Variants in SLC25A31 observed in about 807,000 individuals in gnomAD.
SLC25A31 encodes solute carrier family 25 member 31.
SLC25A31 carries 40 observed loss-of-function variants against 36.2 expected under a neutral mutation model. That is an observed-to-expected ratio of 1.10 (90% CI 0.86 to 1.44). SLC25A31 has a LOEUF of 1.44. Ranked by LOEUF, SLC25A31 falls within the 40% of genes most tolerant of loss-of-function variation. The pLI, the probability that SLC25A31 is intolerant of heterozygous loss-of-function variation, is 0.00. For missense variants in SLC25A31, 350 were observed against 397.1 expected (o/e 0.88, Z 1.01); for synonymous variants, 143 against 149.7 (o/e 0.96, Z 0.32).
At position 127,730,673 on chromosome 4, in the gene SLC25A31, G is replaced by C. The variant is rs745363139; in HGVS notation, c.128G>C (p.Arg43Pro). ...AAGACAGCGGTGGCGCCCATCGAGC[G>C]GGTGAAGCTGCTGCTGCAGGTGCAG... ...VSKTAVAPIE[R>P]VKLLLQVQAS... Residue 43 changes from arginine (R) to proline (P), a missense_variant, in exon 1 of 6, where the codon CGG (arginine) becomes CCG (proline). Arg to Pro is a moderately radical substitution (Grantham distance 103). Coordinates refer to ENST00000281154, the MANE Select transcript of SLC25A31 (RefSeq NM_031291.4). 6.2e-7 allele frequency: 1 copy of C among 1,613,918 alleles called. No homozygotes were observed. Among genetic ancestry groups the C allele is most frequent in the Admixed American group, 1.7e-5 (1 of 60,020 alleles).
chr4:127,736,591 G>A (rs1028040693), intron 1 of SLC25A31, among the ~76,000 whole-genome samples: 11 of 152,154 alleles, frequency 7.2e-5, no homozygotes, highest in South Asian at 2.1e-4. Flanking sequence ...ACCTCGAGTC[G>A]AATGGACCTA....
chr4:127,732,445 T>A (rs975171760), intron 1 of SLC25A31, among the ~76,000 whole-genome samples: 3 of 152,166 alleles, frequency 2.0e-5, no homozygotes, highest in African/African-American at 7.2e-5. Flanking sequence ...CAAGATTTTT[T>A]CAGGAAAAGC....
chr4:127,758,119 C>T (rs1422911579), intron 2 of SLC25A31, among the ~76,000 whole-genome samples: 1 of 152,180 alleles, frequency 6.6e-6, no homozygotes, highest in Non-Finnish European at 1.5e-5. Flanking sequence ...ATAGGAAAGA[C>T]TGACCCCCAT....
At chr4:127,732,849 G>A (rs1339986940) in intron 1 of SLC25A31, among the ~76,000 whole-genome samples, 1 of 152,152 alleles carries the variant, frequency 6.6e-6, no homozygotes, top group African/African-American at 2.4e-5. Flanking sequence ...TCGGAAACTT[G>A]TGGGGCAATT....
intron 2 of SLC25A31, among the ~76,000 whole-genome samples, chr4:127,752,429 G>T (rs1731952942): frequency 6.6e-6 from 1 of 152,094 alleles, no homozygotes; most frequent in Non-Finnish European, 1.5e-5. Context: ...TGGGGTAGGG[G>T]GAGGGGGGAG....
At chr4:127,763,316 A>G (rs1249880647) in intron 2 of SLC25A31, among the ~76,000 whole-genome samples, 1 of 152,248 alleles carries the variant, frequency 6.6e-6, no homozygotes, top group Non-Finnish European at 1.5e-5. Context: ...AGAGCATTCC[A>G]GGGCTAGAGA....
chr4:127,737,717 AGTTT>A (rs1295686179), intron 1 of SLC25A31, among the ~76,000 whole-genome samples: 1 of 151,942 alleles, frequency 6.6e-6, no homozygotes, highest in Admixed American at 6.6e-5. Context: ...ATGGCAGCTA[AGTTT>A]GTTTGGGGTT....
intron 2 of SLC25A31, among the ~76,000 whole-genome samples, chr4:127,759,323 T>C (rs1343296672): frequency 6.6e-6 from 1 of 152,152 alleles, no homozygotes; most frequent in Non-Finnish European, 1.5e-5. Flanking sequence ...ATTGATTTTG[T>C]ATCCGGAAAC....
In SLC25A31 at chr4:127,767,094, A is replaced by G; in HGVS notation, c.507A>G (p.Leu169=). Residue 169 remains leucine (L), a synonymous_variant, in exon 4 of 6, where the codon TTA becomes TTG. Coordinates refer to ENST00000281154, the MANE Select transcript of SLC25A31 (RefSeq NM_031291.4). ...CTGAGGAGCGACAATTCAAGGGTTTAGGTGACTGTATTATGAAAATAGCAA... is the reference window on the plus strand; with the variant it reads ...CTGAGGAGCGACAATTCAAGGGTTTGGGTGACTGTATTATGAAAATAGCAA... ...KGPEERQFKG[L]GDCIMKIAKS... The G allele has an allele frequency of 6.2e-7, 1 of 1,613,242 alleles. No homozygotes were observed. Among genetic ancestry groups the G allele is most frequent in the South Asian group, 1.1e-5 (1 of 90,844 alleles).
chr4:127,744,476 TA>T (rs1560633110), intron 1 of SLC25A31, among the ~76,000 whole-genome samples, 195 bp from the exon 2 acceptor site: 1 of 152,294 alleles, frequency 6.6e-6, no homozygotes, highest in East Asian at 1.9e-4. Flanking sequence ...TGAAATTTTT[TA>T]AAAAATGGAA....
intron 1 of SLC25A31, among the ~76,000 whole-genome samples, chr4:127,735,468 T>C (rs944827907): frequency 7.2e-5 from 11 of 152,318 alleles, no homozygotes; most frequent in African/African-American, 2.2e-4. Flanking sequence ...TTTTTTTGTT[T>C]ACAGTTTTTT....
At chr4:127,745,713 G>A (rs1406602991) in intron 2 of SLC25A31, among the ~76,000 whole-genome samples, 1 of 152,168 alleles carries the variant, frequency 6.6e-6, no homozygotes, top group African/African-American at 2.4e-5. Flanking sequence ...GTGGGGCAGG[G>A]TGAGGGGGCA....
chr4:127,741,110 T>C (rs1731725291), intron 1 of SLC25A31, among the ~76,000 whole-genome samples: 1 of 152,234 alleles, frequency 6.6e-6, no homozygotes, highest in Non-Finnish European at 1.5e-5. Flanking sequence ...CCTAAAACTT[T>C]ACTGAATTAT....
intron 5 of SLC25A31, among the ~76,000 whole-genome samples, chr4:127,770,694 A>G (rs1732339600): frequency 6.6e-6 from 1 of 152,016 alleles, no homozygotes. Context: ...CTGCAACCTA[A>G]TCTCACAACA....
At chr4:127,756,426 G>T (rs867440567) in intron 2 of SLC25A31, among the ~76,000 whole-genome samples, 12 of 152,108 alleles carry the variant, frequency 7.9e-5, no homozygotes, top group Non-Finnish European at 4.4e-5. Context: ...TTCTGAGGTC[G>T]ATGGAGCGTG....
chr4:127,769,860 AT>A (rs1333782590), intron 5 of SLC25A31, among the ~76,000 whole-genome samples: 1 of 152,232 alleles, frequency 6.6e-6, no homozygotes, highest in African/African-American at 2.4e-5. Context: ...GTACACAGAA[AT>A]ATGGCTTGAG....
chr4:127,735,151 G>A (rs185810998), intron 1 of SLC25A31, among the ~76,000 whole-genome samples: 7 of 152,256 alleles, frequency 4.6e-5, no homozygotes, highest in East Asian at 1.9e-4. Context: ...AAGAAATGGC[G>A]TATTATTTCA....
At chr4:127,764,710 T>C (rs557738765) in intron 3 of SLC25A31, among the ~76,000 whole-genome samples, 1 of 152,188 alleles carries the variant, frequency 6.6e-6, no homozygotes, top group East Asian at 1.9e-4. Flanking sequence ...TCCTAGGGAG[T>C]CCCTTTGCCT....
intron 1 of SLC25A31, among the ~76,000 whole-genome samples, chr4:127,731,125 C>G (rs1327109051): frequency 6.6e-6 from 1 of 152,218 alleles, no homozygotes; most frequent in African/African-American, 2.4e-5. Context: ...TCTGCTATAA[C>G]TAGTGCTCTA....
Sources: allele counts gnomAD v4.1 joint callset (sites outside exome capture counted in the v4.1 genomes callset), GRCh38; gene constraint gnomAD v4.1.1; transcripts MANE v1.5; gene names NCBI Gene and HGNC (gene_info 2026-07-23, HGNC 2026-07-21).